ANKRD13C: variants seen among roughly 807,000 people sequenced by gnomAD.
ANKRD13C encodes the protein ankyrin repeat domain 13C.
A neutral mutation model predicts 65.5 loss-of-function variants in ANKRD13C; 16 were observed. The ratio of observed to expected loss-of-function variants is 0.24; its 90% CI spans 0.17 to 0.37. The LOEUF (loss-of-function observed/expected upper bound fraction) is 0.37. Ranked by LOEUF, ANKRD13C falls within the 10% of genes least tolerant of loss-of-function variation. The pLI is 1.00. For synonymous variants in ANKRD13C, 235 were observed against 238.7 expected (o/e 0.98, Z 0.14); for missense variants, 503 against 655.9 (o/e 0.77, Z 2.55).
At chr1:70,343,679 T>A (rs1572178181) in intron 1 of ANKRD13C, among the ~76,000 whole-genome samples, 1 of 152,114 alleles carries the variant, frequency 6.6e-6, no homozygotes, top group East Asian at 1.9e-4. Context: ...ATTATAGGCG[T>A]GCACCACCAT....
chr1:70,285,630 C>CT (rs528594825), intron 9 of ANKRD13C, among the ~76,000 whole-genome samples: 5,348 of 133,538 alleles, frequency 0.04, 255 homozygotes, highest in African/African-American at 0.086. Context: ...GAGTTAAACA[C>CT]TTTTTTTTTT....
intron 6 of ANKRD13C, among the ~76,000 whole-genome samples, chr1:70,303,126 A>G (rs1257721897): frequency 6.6e-6 from 1 of 152,224 alleles, no homozygotes; most frequent in Non-Finnish European, 1.5e-5. Flanking sequence ...ATAAATTAAT[A>G]CAGCCTATTT....
At chr1:70,262,921 G>T in intron 12 of ANKRD13C, 74 bp from the exon 13 acceptor site, 23 of 962,972 alleles carry the variant, frequency 2.4e-5, no homozygotes, top group African/African-American at 3.8e-5. Context: ...TACTATTGGA[G>T]ATGTCCATAC....
At chr1:70,318,403 T>TTA (rs1402364894) in intron 3 of ANKRD13C, among the ~76,000 whole-genome samples, 1 of 152,176 alleles carries the variant, frequency 6.6e-6, no homozygotes, top group Non-Finnish European at 1.5e-5. Flanking sequence ...GCTCCAAGTA[T>TTA]TACTTAAATC....
intron 4 of ANKRD13C, among the ~76,000 whole-genome samples, chr1:70,314,777 A>G (rs1018228422): frequency 3.3e-5 from 5 of 151,212 alleles, no homozygotes; most frequent in Admixed American, 2.0e-4. Flanking sequence ...GAGACAAGCT[A>G]TCATCATAAT....
intron 9 of ANKRD13C, among the ~76,000 whole-genome samples, chr1:70,282,246 G>A (rs538084426): frequency 2.6e-5 from 4 of 151,334 alleles, no homozygotes; most frequent in Non-Finnish European, 5.9e-5. Context: ...TAGTAGGGAC[G>A]GGGTTTCACC....
intron 9 of ANKRD13C, among the ~76,000 whole-genome samples, chr1:70,282,426 A>T (rs982703461): frequency 2.0e-5 from 3 of 152,190 alleles, no homozygotes; most frequent in Admixed American, 1.3e-4. Flanking sequence ...AAAGAAAAAA[A>T]GTTGTCTGGG....
At chr1:70,268,901 T>C (rs1678752886) in intron 12 of ANKRD13C, among the ~76,000 whole-genome samples, 2 of 152,090 alleles carry the variant, frequency 1.3e-5, no homozygotes, top group African/African-American at 4.8e-5. Flanking sequence ...TTAAAATTAT[T>C]ATTATACTTT....
chr1:70,347,660 T>C (rs544261795), intron 1 of ANKRD13C, among the ~76,000 whole-genome samples: 28 of 152,306 alleles, frequency 1.8e-4, no homozygotes, highest in African/African-American at 6.3e-4. Context: ...AGTTCTATAG[T>C]ACTAATGGTG....
At chr1:70,266,477 C>G (rs1047079952) in intron 12 of ANKRD13C, among the ~76,000 whole-genome samples, 2 of 152,158 alleles carry the variant, frequency 1.3e-5, no homozygotes, top group African/African-American at 4.8e-5. Context: ...CTTCATTTGT[C>G]TGATCTAAAT....
At chr1:70,309,977 G>C (rs1181130969) in intron 5 of ANKRD13C, among the ~76,000 whole-genome samples, 1 of 152,014 alleles carries the variant, frequency 6.6e-6, no homozygotes, top group Non-Finnish European at 1.5e-5. Context: ...GGGGTAGTTA[G>C]TATTATCCTC....
chr1:70,350,717 C>G (rs549353173), intron 1 of ANKRD13C, among the ~76,000 whole-genome samples: 1 of 152,128 alleles, frequency 6.6e-6, no homozygotes, highest in South Asian at 2.1e-4. Flanking sequence ...ATAGAGGGTC[C>G]TAATCAATAG....
intron 9 of ANKRD13C, among the ~76,000 whole-genome samples, chr1:70,283,312 A>C (rs1471352459): frequency 1.3e-5 from 2 of 152,316 alleles, no homozygotes; most frequent in South Asian, 2.1e-4. Flanking sequence ...TTATTTTGCC[A>C]AATCAATTGG....
intron 2 of ANKRD13C, among the ~76,000 whole-genome samples, chr1:70,332,825 C>T (rs991968326): frequency 2.0e-5 from 3 of 152,066 alleles, no homozygotes; most frequent in African/African-American, 7.2e-5. Context: ...GTACATCTAT[C>T]TAAAATTAGA....
At chr1:70,288,415 AT>A (rs1195537079) in intron 9 of ANKRD13C, among the ~76,000 whole-genome samples, 1 of 152,218 alleles carries the variant, frequency 6.6e-6, no homozygotes, top group Non-Finnish European at 1.5e-5. Flanking sequence ...GAAGACTTAT[AT>A]TACATTCATA....
intron 1 of ANKRD13C, among the ~76,000 whole-genome samples, chr1:70,342,238 G>A (rs1053977441): frequency 2.6e-5 from 4 of 151,920 alleles, no homozygotes; most frequent in Middle Eastern, 3.2e-3. Flanking sequence ...TATACATTTG[G>A]CAGTAAAAAA....
intron 12 of ANKRD13C, among the ~76,000 whole-genome samples, chr1:70,264,761 GACA>G (rs767926270): frequency 6.6e-6 from 1 of 152,126 alleles, no homozygotes; most frequent in Non-Finnish European, 1.5e-5. Context: ...GGGAGGGTCA[GACA>G]ACAAATAAAT....
At chr1:70,334,919 T>TA (rs796527209) in intron 2 of ANKRD13C, among the ~76,000 whole-genome samples, 123 of 151,344 alleles carry the variant, frequency 8.1e-4, no homozygotes, top group African/African-American at 2.8e-3. Context: ...AATAAATAAA[T>TA]AAATAAAATA....
At chr1:70,297,794 TCCCA>T (rs1680156247) in intron 7 of ANKRD13C, among the ~76,000 whole-genome samples, 1 of 149,640 alleles carries the variant, frequency 6.7e-6, no homozygotes. Flanking sequence ...GCGCCTGTAG[TCCCA>T]GCTACTCGGG....
Sources: allele counts gnomAD v4.1 joint callset (sites outside exome capture counted in the v4.1 genomes callset), GRCh38; gene constraint gnomAD v4.1.1; transcripts MANE v1.5; gene names NCBI Gene and HGNC (gene_info 2026-07-23, HGNC 2026-07-21).